The following DLGAP1 variants were observed in gnomAD, a reference collection of about 807,000 sequenced individuals.
DLGAP1 encodes the protein DLG associated protein 1.
A neutral mutation model predicts 90.8 loss-of-function variants in DLGAP1; 11 were observed. That is an observed-to-expected ratio of 0.12 (90% CI 0.08 to 0.20). The LOEUF (loss-of-function observed/expected upper bound fraction) is 0.20, where lower values mean the gene tolerates loss of function less well. Among genes scored for constraint, DLGAP1 ranks in the 10% least tolerant of loss-of-function variants. The pLI, the probability that DLGAP1 is intolerant of heterozygous loss-of-function variation, is 1.00. For synonymous variants in DLGAP1, 558 were observed against 540.7 expected (o/e 1.03, Z -0.44); for missense variants, 1,050 against 1,333.8 (o/e 0.79, Z 3.31).
At chr18:3,823,539 C>T (rs1013621180) in intron 4 of DLGAP1, among the ~76,000 whole-genome samples, 1 of 152,176 alleles carries the variant, frequency 6.6e-6, no homozygotes, top group Non-Finnish European at 1.5e-5. Context: ...ACTCAAATTT[C>T]TACACTCTTC....
chr18:3,581,803 C>T (rs1006109373), intron 8 of DLGAP1, 72 bp downstream of exon 8: 29 of 1,562,982 alleles, frequency 1.9e-5, no homozygotes, highest in Middle Eastern at 2.1e-4. Flanking sequence ...GCAAATCTTC[C>T]GGGGAAACAA....
intron 4 of DLGAP1, among the ~76,000 whole-genome samples, chr18:3,844,768 T>C (rs1598975559): frequency 6.6e-6 from 1 of 152,212 alleles, no homozygotes; most frequent in African/African-American, 2.4e-5. Flanking sequence ...TAGAATAACA[T>C]GTACTTAGAA....
intron 5 of DLGAP1, among the ~76,000 whole-genome samples, chr18:3,812,759 T>C (rs2066905821): frequency 6.6e-6 from 1 of 152,256 alleles, no homozygotes; most frequent in Admixed American, 6.5e-5. Flanking sequence ...TACTCTGCTA[T>C]TTAAATAAAT....
At chr18:4,025,072 G>A (rs1409991048) in intron 2 of DLGAP1, among the ~76,000 whole-genome samples, 1 of 152,118 alleles carries the variant, frequency 6.6e-6, no homozygotes, top group Admixed American at 6.5e-5. Flanking sequence ...TTATAAAGTG[G>A]CAAGCACTAT....
At chr18:4,088,262 T>G (rs1362456006) in intron 2 of DLGAP1, among the ~76,000 whole-genome samples, 1 of 152,196 alleles carries the variant, frequency 6.6e-6, no homozygotes, top group Non-Finnish European at 1.5e-5. Flanking sequence ...ATACTTCCAG[T>G]GTTTCTCTCT....
intron 9 of DLGAP1, among the ~76,000 whole-genome samples, chr18:3,550,501 C>G (rs766770545): frequency 2.6e-5 from 4 of 152,194 alleles, no homozygotes; most frequent in Non-Finnish European, 5.9e-5. Flanking sequence ...GTTGGGATTA[C>G]AGGTGTGAAC....
chr18:4,424,088 T>C (rs1016244962), intron 1 of DLGAP1, among the ~76,000 whole-genome samples: 9 of 151,842 alleles, frequency 5.9e-5, no homozygotes, highest in Non-Finnish European at 1.3e-4. Flanking sequence ...GAGGTGGAGG[T>C]TGCAGTGAGC....
At chr18:4,004,622 G>A (rs768751154) in intron 3 of DLGAP1, among the ~76,000 whole-genome samples, 24 of 152,178 alleles carry the variant, frequency 1.6e-4, no homozygotes, top group Non-Finnish European at 2.4e-4. Flanking sequence ...GACAGAGGGC[G>A]TCTCTATTCT....
intron 1 of DLGAP1, among the ~76,000 whole-genome samples, chr18:4,414,673 C>A (rs1183668550): frequency 6.6e-6 from 1 of 151,002 alleles, no homozygotes; most frequent in African/African-American, 2.4e-5. Flanking sequence ...CTGCAGTGAG[C>A]CGAGATCAAG....
chr18:4,091,498 A>C (rs554257796), intron 2 of DLGAP1, among the ~76,000 whole-genome samples: 3 of 152,150 alleles, frequency 2.0e-5, no homozygotes, highest in Non-Finnish European at 4.4e-5. Flanking sequence ...TCACATTTCA[A>C]TTATACATAT....
intron 2 of DLGAP1, among the ~76,000 whole-genome samples, chr18:4,057,171 T>G (rs2075232929): frequency 6.6e-6 from 1 of 151,988 alleles, no homozygotes; most frequent in Admixed American, 6.6e-5. Context: ...GTTTTTAAAC[T>G]GTCTCTGAAA....
chr18:3,673,139 C>T (rs994652862), intron 7 of DLGAP1, among the ~76,000 whole-genome samples: 2 of 152,194 alleles, frequency 1.3e-5, no homozygotes, highest in Non-Finnish European at 2.9e-5. Context: ...TTTTACTTCA[C>T]ATGCCTTGTA....
At chr18:3,970,625 C>T (rs1414006151) in intron 3 of DLGAP1, among the ~76,000 whole-genome samples, 3 of 148,652 alleles carry the variant, frequency 2.0e-5, no homozygotes, top group Non-Finnish European at 2.9e-5. Flanking sequence ...AGAAGATAAA[C>T]ATCTTGCCCC....
chr18:4,289,814 T>A (rs2079801964), intron 1 of DLGAP1, among the ~76,000 whole-genome samples: 2 of 152,144 alleles, frequency 1.3e-5, no homozygotes, highest in Non-Finnish European at 2.9e-5. Flanking sequence ...TAGAAACAAT[T>A]GTACTTATTT....
chr18:4,398,635 A>G (rs1305806637), intron 1 of DLGAP1, among the ~76,000 whole-genome samples: 1 of 152,230 alleles, frequency 6.6e-6, no homozygotes, highest in Non-Finnish European at 1.5e-5. Flanking sequence ...AGATAAATAT[A>G]GGAGCCACTT....
intron 7 of DLGAP1, among the ~76,000 whole-genome samples, chr18:3,646,890 A>T (rs1317347986): frequency 6.6e-6 from 1 of 152,114 alleles, no homozygotes; most frequent in Non-Finnish European, 1.5e-5. Context: ...GAACTACTGC[A>T]CTTCAGCCTG....
intron 7 of DLGAP1, among the ~76,000 whole-genome samples, chr18:3,663,070 G>A (rs528521218): frequency 2.0e-5 from 3 of 152,226 alleles, no homozygotes; most frequent in South Asian, 2.1e-4. Flanking sequence ...TCAGGAGTTC[G>A]AGATCAGCCT....
chr18:3,672,324 T>C (rs2146758412), intron 7 of DLGAP1, among the ~76,000 whole-genome samples: 1 of 151,918 alleles, frequency 6.6e-6, no homozygotes, highest in Middle Eastern at 3.4e-3. Context: ...ACGCCTGCAA[T>C]CCCAGCACTT....
intron 3 of DLGAP1, among the ~76,000 whole-genome samples, chr18:3,924,876 GA>G (rs2072346448): frequency 6.6e-6 from 1 of 152,122 alleles, no homozygotes; most frequent in Non-Finnish European, 1.5e-5. Flanking sequence ...ATCTGTTCTT[GA>G]GTTGTAGATG....
Sources: gnomAD v4.1 joint callset for allele counts (sites outside exome capture counted in the v4.1 genomes callset) on GRCh38, gnomAD v4.1.1 for gene constraint, MANE v1.5 for transcripts, NCBI Gene and HGNC (gene_info 2026-07-23, HGNC 2026-07-21) for gene names.